Variants in ARHGEF12 observed in about 807,000 individuals in gnomAD.
The protein encoded by ARHGEF12 is KMT2A/ARHGEF12 fusion protein.
A neutral mutation model predicts 211.2 loss-of-function variants in ARHGEF12; 66 were observed. The ratio of observed to expected loss-of-function variants is 0.31; its 90% CI spans 0.26 to 0.38. ARHGEF12 has a LOEUF of 0.38. ARHGEF12 is among the 10% of genes least tolerant of loss of function. The pLI, the probability that ARHGEF12 is intolerant of heterozygous loss-of-function variation, is 1.00. For synonymous variants in ARHGEF12, 592 were observed against 638.4 expected (o/e 0.93, Z 1.09); for missense variants, 1,429 against 1,869.5 (o/e 0.76, Z 4.34).
chr11:120,461,850 G>A (rs1047351006), intron 27 of ARHGEF12, among the ~76,000 whole-genome samples: 1 of 152,198 alleles, frequency 6.6e-6, no homozygotes, highest in African/African-American at 2.4e-5. Flanking sequence ...GTTTACCCCT[G>A]CTACCTTCAA....
chr11:120,344,494 T>C (rs1233964153), intron 1 of ARHGEF12, among the ~76,000 whole-genome samples: 1 of 152,068 alleles, frequency 6.6e-6, no homozygotes, highest in Non-Finnish European at 1.5e-5. Context: ...CAAGCCGATA[T>C]GTTGTGGTTT....
intron 11 of ARHGEF12, among the ~76,000 whole-genome samples, chr11:120,433,056 G>C (rs1227919675): frequency 6.6e-6 from 1 of 152,126 alleles, no homozygotes; most frequent in Non-Finnish European, 1.5e-5. Flanking sequence ...CCCATACACG[G>C]TGATAAGGTT....
chr11:120,426,371 TTAAAG>T (rs1160544185), intron 7 of ARHGEF12, among the ~76,000 whole-genome samples: 6 of 152,286 alleles, frequency 3.9e-5, no homozygotes, highest in African/African-American at 7.2e-5. Flanking sequence ...AGCTAAAAAC[TTAAAG>T]TAAAGCATAA....
intron 1 of ARHGEF12, among the ~76,000 whole-genome samples, chr11:120,383,169 G>T (rs1943926385): frequency 6.6e-6 from 1 of 152,046 alleles, no homozygotes; most frequent in Non-Finnish European, 1.5e-5. Flanking sequence ...GTCTTTGGGG[G>T]AGAGCCAGGT....
chr11:120,439,908 C>CA (rs1049500356), intron 12 of ARHGEF12: 266 of 466,808 alleles, frequency 5.7e-4, no homozygotes, highest in Non-Finnish European at 7.4e-4. Flanking sequence ...TTTTTCCCCC[C>CA]AAAAAAAACT....
At chr11:120,436,068 A>G (rs1945685157) in intron 11 of ARHGEF12, among the ~76,000 whole-genome samples, 1 of 152,038 alleles carries the variant, frequency 6.6e-6, no homozygotes, top group Non-Finnish European at 1.5e-5. Context: ...GAGAGATGAT[A>G]CTCTTACAAA....
chr11:120,406,122 C>T lies in ARHGEF12; in HGVS notation c.37C>T (p.Pro13Ser), dbSNP rs1944696277. 1 of 1,539,032 alleles carries T rather than the reference C, an allele frequency of 6.5e-7. No homozygotes were observed. The highest frequency in any genetic ancestry group is 8.7e-7 in the Non-Finnish European group (1 of 1,147,760). The change falls in exon 2 of 41, where the codon CCC becomes TCC. Residue 13 changes from proline (P) to serine (S), a missense_variant. Pro to Ser is a moderately conservative substitution (Grantham distance 74). Transcript: ENST00000397843. Reference protein sequence around the residue: ...GTQSTITDRFPLKKPIRHGSI... With the variant: ...GTQSTITDRFSLKKPIRHGSI... ...CTTATTTTTTCTTTGTTTCAGGTTT[C>T]CCCTCAAAAAACCTATAAGGTAAGT... is the stretch of plus-strand genomic sequence containing the variant.
intron 1 of ARHGEF12, among the ~76,000 whole-genome samples, chr11:120,385,906 T>C (rs1237165511): frequency 6.6e-6 from 1 of 152,188 alleles, no homozygotes; most frequent in Non-Finnish European, 1.5e-5. Context: ...TGCTTCAGGA[T>C]GGTTGTTTCC....
chr11:120,390,370 G>A (rs183415885), intron 1 of ARHGEF12, among the ~76,000 whole-genome samples: 1 of 152,244 alleles, frequency 6.6e-6, no homozygotes, highest in Non-Finnish European at 1.5e-5. Context: ...GAATAGATTT[G>A]CTTTTGCTCT....
At chr11:120,366,753 G>A (rs1033746161) in intron 1 of ARHGEF12, among the ~76,000 whole-genome samples, 2 of 152,212 alleles carry the variant, frequency 1.3e-5, no homozygotes, top group East Asian at 1.9e-4. Context: ...GGTGGCTCAC[G>A]CCTGTAATCT....
chr11:120,477,862 C>CAAAAA (rs528182938), intron 36 of ARHGEF12, among the ~76,000 whole-genome samples: 18 of 69,286 alleles, frequency 2.6e-4, no homozygotes, highest in African/African-American at 6.1e-4. Flanking sequence ...ACCGAAACAC[C>CAAAAA]AAAAAAAAAA....
Position 120,440,219 on chromosome 11 carries a change from C to T in ARHGEF12, c.1090C>T (p.Gln364Ter). 1.9e-6 allele frequency: 3 copies of T among 1,608,262 alleles called. No individual in the cohort carries two copies. Among genetic ancestry groups the T allele is most frequent in the Non-Finnish European group, 2.5e-6 (3 of 1,176,548 alleles). Reference protein sequence around the residue: ...EDDDFGTEHEQINGQCSCFQS... With the variant: ...EDDDFGTEHE Reference sequence around the variant, plus strand: ...TGATGATTTTGGTACTGAACATGAACAGGTGATGACTTTTTTCTTTCTAAA... The same window carrying T: ...TGATGATTTTGGTACTGAACATGAATAGGTGATGACTTTTTTCTTTCTAAA... Residue 364 changes from glutamine (Q) to a stop codon, truncating the protein, a stop_gained and splice_region_variant, in exon 13 of 41, where the codon CAG (glutamine) becomes TAG (stop). Transcript: ENST00000397843. LOFTEE classifies it high-confidence loss of function.
In ARHGEF12 at chr11:120,486,600, G is replaced by A. The variant is rs1947404308; in HGVS notation, c.*1523G>A. On this transcript the variant is annotated 3_prime_UTR_variant, in exon 41 of 41. Transcript: ENST00000397843. ...ATTTTTGCCAACTAAAATGAAGTCT[G>A]TAAATTCTGTTAATAAACAAGGAGT... 8.9e-6 allele frequency: 2 copies of A among 225,238 alleles called. No homozygotes were observed. Among genetic ancestry groups the A allele is most frequent in the Non-Finnish European group, 1.8e-5 (2 of 113,128 alleles). 14.0% of individuals were successfully genotyped at this position (225,238 alleles called of 1,614,324 possible).
Position 120,445,334 on chromosome 11 carries a change from G to C in ARHGEF12, c.1303-88G>C, listed in dbSNP as rs1018904540. The C allele has an allele frequency of 1.1e-5, 15 of 1,312,074 alleles. No homozygotes were observed. The African/African-American group carries it at 2.0e-4, about 18-fold the overall frequency. 81.3% of individuals were successfully genotyped at this position (1,312,074 alleles called of 1,614,324 possible). On this transcript the variant is annotated intron_variant, in intron 15 of 40. Transcript: ENST00000397843. ...TTGTGCTTGTAGAGTGGGTATCCAA[G>C]TTGTATCCCCTTACTTTACAGAAGT...
chr11:120,487,002 C>T lies in ARHGEF12; in HGVS notation c.*1925C>T, dbSNP rs1197476738. Reference sequence around the variant, plus strand: ...AACTTTCTGTATCTCTTAGGAGGAACAAGTAAAAACCAAATGGTTACATTG... The same window carrying T: ...AACTTTCTGTATCTCTTAGGAGGAATAAGTAAAAACCAAATGGTTACATTG... On this transcript the variant is annotated 3_prime_UTR_variant, in exon 41 of 41. Coordinates refer to ENST00000397843, the MANE Select transcript of ARHGEF12 (RefSeq NM_015313.3). 4 of 215,428 alleles carry T rather than the reference C, an allele frequency of 1.9e-5. No homozygotes were observed. The highest frequency in any genetic ancestry group is 3.7e-5 in the Non-Finnish European group (4 of 106,824). The allele number at this position is 215,428 out of a possible 1,614,324, so 13.3% of individuals were successfully genotyped here.
At chr11:120,381,876 C>T (rs910826167) in intron 1 of ARHGEF12, among the ~76,000 whole-genome samples, 6 of 152,122 alleles carry the variant, frequency 3.9e-5, no homozygotes, top group Non-Finnish European at 1.5e-5. Context: ...TTGCATTTTC[C>T]AGAGTGTTGT....
intron 5 of ARHGEF12, 98 bp downstream of exon 5, chr11:120,420,949 A>T: frequency 9.9e-7 from 1 of 1,014,110 alleles, no homozygotes; most frequent in South Asian, 1.5e-5. Context: ...AATTACATAG[A>T]TTGCAGGTCA....
rs891428043 is a variant in ARHGEF12, at chr11:120,486,264, G to A, written c.*1187G>A. 1 of 233,268 alleles carries A rather than the reference G, an allele frequency of 4.3e-6. No homozygotes were observed. Among genetic ancestry groups the A allele is most frequent in the African/African-American group, 2.2e-5 (1 of 45,330 alleles). 14.4% of individuals were successfully genotyped at this position (233,268 alleles called of 1,614,324 possible). A position where few individuals can be genotyped will look rare whatever the true frequency, so the allele number is the denominator to read the frequency against. On this transcript the variant is annotated 3_prime_UTR_variant, in exon 41 of 41. Coordinates refer to ENST00000397843, the MANE Select transcript of ARHGEF12 (RefSeq NM_015313.3). ...GGTGCCAAAGGGCCCTGAGTCAAAA[G>A]GATAGCCAAGGGTGGAGTGGAAAAA...
At chr11:120,387,603 T>C (rs1944079210) in intron 1 of ARHGEF12, among the ~76,000 whole-genome samples, 1 of 152,110 alleles carries the variant, frequency 6.6e-6, no homozygotes, top group Admixed American at 6.5e-5. Context: ...CAATCAAGTG[T>C]AGTCAAGTAA....
Sources: gnomAD v4.1 joint callset for allele counts (sites outside exome capture counted in the v4.1 genomes callset) on GRCh38, gnomAD v4.1.1 for gene constraint, MANE v1.5 for transcripts, NCBI Gene and HGNC (gene_info 2026-07-23, HGNC 2026-07-21) for gene names.